ANO3: variants seen among roughly 807,000 people sequenced by gnomAD.
ANO3 encodes anoctamin-3.
Under a neutral mutation model 144.8 loss-of-function variants are expected in ANO3, and 99 were observed. The ratio of observed to expected loss-of-function variants is 0.68; its 90% CI spans 0.58 to 0.81. The LOEUF (loss-of-function observed/expected upper bound fraction) is 0.81, where lower values mean the gene tolerates loss of function less well. Ranked by LOEUF, ANO3 falls within the 30% of genes least tolerant of loss-of-function variation. ANO3 has a pLI of 0.00. For missense variants in ANO3, 905 were observed against 1,202.2 expected (o/e 0.75, Z 3.66); for synonymous variants, 414 against 392.6 (o/e 1.05, Z -0.64).
chr11:26,516,501 A>G (rs754606298), intron 5 of ANO3, among the ~76,000 whole-genome samples: 1 of 151,884 alleles, frequency 6.6e-6, no homozygotes, highest in Non-Finnish European at 1.5e-5. Context: ...GGTCATGATA[A>G]AAAGCCCATC....
intron 4 of ANO3, among the ~76,000 whole-genome samples, chr11:26,493,574 T>C (rs1590414200): frequency 1.3e-5 from 2 of 152,236 alleles, no homozygotes; most frequent in Admixed American, 1.3e-4. Context: ...TCCTTCCTTA[T>C]GTTTTTATTT....
chr11:26,308,010 C>G (rs12796045), upstream of ANO3, among the ~76,000 whole-genome samples: 1 of 152,138 alleles, frequency 6.6e-6, no homozygotes, highest in Non-Finnish European at 1.5e-5. Flanking sequence ...CCAAATCCTT[C>G]TACTTTTGGA....
At chr11:26,261,220 T>A (rs1013794088) in intron 1 of ANO3, among the ~76,000 whole-genome samples, 5 of 152,204 alleles carry the variant, frequency 3.3e-5, no homozygotes, top group Non-Finnish European at 5.9e-5. Context: ...TATTTTTTTT[T>A]ACTTGTCCAT....
At chr11:26,359,971 TTTTATA>T (rs5790573) in intron 1 of ANO3, among the ~76,000 whole-genome samples, 26,754 of 151,226 alleles carry the variant, frequency 0.18, 2,599 homozygotes, top group East Asian at 0.36. Flanking sequence ...TCAACATAAA[TTTTATA>T]TTTATATGTA....
rs1222880113 is a variant in ANO3 at position 26,334,026 on chromosome 11, T to TGGGG, written c.46+1705_46+1706insGGGG. ...TCAAATGGCCCCCACAACAATGTAT[T>TGGGG]ATGTATGGATACATGTTGTGTTTTT... On this transcript the variant is annotated intron_variant, in intron 1 of 26. Coordinates refer to ENST00000256737, the MANE Select transcript of ANO3 (RefSeq NM_031418.4). Among the ~76,000 whole-genome samples, 4 of 152,336 alleles carry TGGGG rather than the reference T, an allele frequency of 2.6e-5. No homozygotes were observed. The East Asian group carries it at 7.7e-4, about 29-fold the overall frequency.
At chr11:26,443,927 G>A in intron 3 of ANO3, 91 bp downstream of exon 3, 1 of 802,848 alleles carries the variant, frequency 1.2e-6, no homozygotes, top group South Asian at 1.9e-5. Flanking sequence ...TTTTTTTTAA[G>A]AAAAAGTTCA....
At chr11:26,575,070 T>C (rs1182165753) in intron 14 of ANO3, among the ~76,000 whole-genome samples, 1 of 152,100 alleles carries the variant, frequency 6.6e-6, no homozygotes, top group Non-Finnish European at 1.5e-5. Flanking sequence ...CTGTTGCATT[T>C]CTATCTATAT....
chr11:26,360,528 T>C (rs1168012281), intron 1 of ANO3, among the ~76,000 whole-genome samples: 2 of 152,170 alleles, frequency 1.3e-5, no homozygotes, highest in East Asian at 3.9e-4. Context: ...ACTTAGTTTA[T>C]TCCTGTGCCT....
At chr11:26,191,636 T>C (rs1851480610) in intron 1 of ANO3, among the ~76,000 whole-genome samples, 2 of 152,204 alleles carry the variant, frequency 1.3e-5, no homozygotes, top group Non-Finnish European at 2.9e-5. Context: ...CCAAAACATT[T>C]CAAGCCCCAT....
At chr11:26,615,394 T>TTATATATATATATATA (rs201511864) in intron 17 of ANO3, among the ~76,000 whole-genome samples, 11 of 128,890 alleles carry the variant, frequency 8.5e-5, no homozygotes, top group African/African-American at 3.3e-4. Context: ...TTCTGTCAGT[T>TTATATATATATATATA]TATATATATA....
chr11:26,503,380 A>G (rs1276522118), intron 4 of ANO3, among the ~76,000 whole-genome samples: 3 of 152,108 alleles, frequency 2.0e-5, no homozygotes, highest in Non-Finnish European at 4.4e-5. Context: ...GACACAGGTA[A>G]TCAGTTTTCA....
chr11:26,424,255 AC>A (rs1565016649), intron 1 of ANO3, among the ~76,000 whole-genome samples: 6 of 116,500 alleles, frequency 5.2e-5, no homozygotes, highest in African/African-American at 2.7e-4. Flanking sequence ...CTCCCCCCCC[AC>A]ACACACACAC....
intron 3 of ANO3, among the ~76,000 whole-genome samples, chr11:26,450,075 A>G (rs540662581): frequency 7.9e-5 from 12 of 152,216 alleles, no homozygotes; most frequent in African/African-American, 2.9e-4. Context: ...CCTTTCTAAC[A>G]TCAATCTTAC....
chr11:26,596,839 G>A (rs1269868721), intron 14 of ANO3, among the ~76,000 whole-genome samples: 2 of 152,284 alleles, frequency 1.3e-5, no homozygotes, highest in South Asian at 2.1e-4. Context: ...GATCTCCACC[G>A]GCCAATGCCA....
At chr11:26,275,268 T>G (rs1853531844) in intron 1 of ANO3, among the ~76,000 whole-genome samples, 1 of 152,074 alleles carries the variant, frequency 6.6e-6, no homozygotes, top group African/African-American at 2.4e-5. Flanking sequence ...GTTTTCTTAC[T>G]CAATAGGAAT....
Position 26,547,607 on chromosome 11 carries a change from G to C in ANO3, c.1289+57G>C. ...TGGCTTGTCTTCTGAATGGGCAAAA[G>C]TTTAATGATAATGCTGACTATAAAA... On this transcript the variant is annotated intron_variant, in intron 12 of 26. Coordinates refer to ENST00000256737, the MANE Select transcript of ANO3 (RefSeq NM_031418.4). The C allele has an allele frequency of 4.1e-6, 6 of 1,471,102 alleles. No individual in the cohort carries two copies. The South Asian group carries it at 6.9e-5, about 17-fold the overall frequency. 91.1% of individuals were successfully genotyped at this position (1,471,102 alleles called of 1,614,324 possible).
intron 1 of ANO3, among the ~76,000 whole-genome samples, chr11:26,378,984 C>A (rs754985116): frequency 7.3e-6 from 1 of 136,330 alleles, no homozygotes; most frequent in Non-Finnish European, 1.6e-5. Context: ...AAAAAAAAGC[C>A]TCAAAACATA....
intron 1 of ANO3, among the ~76,000 whole-genome samples, chr11:26,353,269 G>A (rs1054132989): frequency 1.3e-5 from 2 of 152,190 alleles, no homozygotes; most frequent in Non-Finnish European, 2.9e-5. Flanking sequence ...AGTGTATAAT[G>A]ACATCCTAGG....
At chr11:26,350,033 G>T (rs1855599610) in intron 1 of ANO3, among the ~76,000 whole-genome samples, 1 of 152,116 alleles carries the variant, frequency 6.6e-6, no homozygotes, top group Non-Finnish European at 1.5e-5. Flanking sequence ...CGGGAAAGGA[G>T]AGTTGGGGAG....
Sources: gnomAD v4.1 joint callset for allele counts (sites outside exome capture counted in the v4.1 genomes callset) on GRCh38, gnomAD v4.1.1 for gene constraint, MANE v1.5 for transcripts, NCBI Gene and HGNC (gene_info 2026-07-23, HGNC 2026-07-21) for gene names.